LDLRAD3: variants seen among roughly 807,000 people sequenced by gnomAD.
The protein encoded by LDLRAD3 is low-density lipoprotein receptor class A domain-containing protein 3.
A neutral mutation model predicts 29.4 loss-of-function variants in LDLRAD3; 20 were observed. The observed-to-expected ratio is 0.68, with a 90% CI of 0.48 to 0.99. LDLRAD3 has a LOEUF of 0.99. LDLRAD3 is among the 50% of genes least tolerant of loss of function. The probability of loss-of-function intolerance (pLI) is 0.00; values close to 1 mark genes in which losing one functional copy is unlikely to be tolerated. For synonymous variants in LDLRAD3, 157 were observed against 192.7 expected (o/e 0.81, Z 1.53); for missense variants, 420 against 454.3 (o/e 0.92, Z 0.69).
At chr11:36,007,129 T>G (rs1200397838) in intron 1 of LDLRAD3, among the ~76,000 whole-genome samples, 1 of 152,228 alleles carries the variant, frequency 6.6e-6, no homozygotes, top group Non-Finnish European at 1.5e-5. Context: ...TTATTTATAC[T>G]TTAATCTTCA....
intron 2 of LDLRAD3, among the ~76,000 whole-genome samples, chr11:36,039,136 C>CT (rs1270242275): frequency 6.6e-6 from 1 of 151,912 alleles, no homozygotes; most frequent in African/African-American, 2.4e-5. Context: ...CGCCCGGCTA[C>CT]TTTTTTGTAT....
chr11:35,995,140 C>T (rs1228258429), intron 1 of LDLRAD3, among the ~76,000 whole-genome samples: 1 of 152,198 alleles, frequency 6.6e-6, no homozygotes, highest in African/African-American at 2.4e-5. Flanking sequence ...TTACTTGGCC[C>T]ATATCCATCA....
intron 2 of LDLRAD3, among the ~76,000 whole-genome samples, chr11:36,054,868 A>ATGAATGGATGGATGG (rs1291785646): frequency 6.0e-5 from 2 of 33,336 alleles, no homozygotes; most frequent in Admixed American, 3.5e-4. Flanking sequence ...TGGATGGATG[A>ATGAATGGATGGATGG]ATGGATGGAT....
intron 1 of LDLRAD3, chr11:35,972,677 A>G (rs145833932): frequency 3.3e-5 from 5 of 152,344 alleles, no homozygotes; most frequent in Admixed American, 2.0e-4. Flanking sequence ...CATGCATCCT[A>G]TTCTACAAAT....
At chr11:36,003,911 G>A (rs925463228) in intron 1 of LDLRAD3, among the ~76,000 whole-genome samples, 1 of 152,008 alleles carries the variant, frequency 6.6e-6, no homozygotes, top group Admixed American at 6.6e-5. Context: ...GAGAGTGAAG[G>A]GGGAAGTGCC....
intron 2 of LDLRAD3, among the ~76,000 whole-genome samples, chr11:36,063,946 G>A (rs1852747550): frequency 6.6e-6 from 1 of 152,130 alleles, no homozygotes; most frequent in Admixed American, 6.5e-5. Flanking sequence ...ATTCTGCCAA[G>A]AAGCTAGCTG....
intron 2 of LDLRAD3, among the ~76,000 whole-genome samples, chr11:36,047,731 C>A (rs1399013046): frequency 6.6e-6 from 1 of 152,194 alleles, no homozygotes; most frequent in Non-Finnish European, 1.5e-5. Flanking sequence ...GGGAGCTGTG[C>A]AACCTACGCA....
chr11:36,168,772 G>C (rs1171358171), intron 4 of LDLRAD3, among the ~76,000 whole-genome samples: 6 of 152,064 alleles, frequency 3.9e-5, no homozygotes, highest in Non-Finnish European at 7.4e-5. Context: ...AGATAAAATT[G>C]CCCTGGAAAA....
chr11:35,999,508 A>G (rs1851796205), intron 1 of LDLRAD3, among the ~76,000 whole-genome samples: 1 of 150,580 alleles, frequency 6.6e-6, no homozygotes, highest in African/African-American at 2.4e-5. Flanking sequence ...CTGCAGATTC[A>G]CTCCTTCTTG....
chr11:36,113,957 A>T (rs1050053466), intron 4 of LDLRAD3, among the ~76,000 whole-genome samples: 1 of 152,188 alleles, frequency 6.6e-6, no homozygotes, highest in Non-Finnish European at 1.5e-5. Context: ...TACAGGTGTG[A>T]GCCACCATTC....
At position 35,974,657 on chromosome 11, in the gene LDLRAD3, G is replaced by A. The variant is rs1393321846; in HGVS notation, c.46+30513G>A. 2.0e-5 allele frequency among the ~76,000 whole-genome samples: 3 copies of A among 152,236 alleles called. No homozygotes were observed. In the East Asian group the frequency reaches 5.8e-4, roughly 29 times the overall value. On this transcript the variant is annotated intron_variant, in intron 1 of 5. Coordinates refer to ENST00000315571, the MANE Select transcript of LDLRAD3 (RefSeq NM_174902.4). The stretch of plus-strand genomic sequence containing the variant: ...TTTTCTTGCTGGCTGTTGACTGGAG[G>A]CCAGTCTCAGTTTCTTGTCATGTGG...
chr11:35,978,338 C>T (rs969692820), intron 1 of LDLRAD3, among the ~76,000 whole-genome samples: 2 of 152,218 alleles, frequency 1.3e-5, no homozygotes, highest in African/African-American at 4.8e-5. Flanking sequence ...GTGTGCCTGC[C>T]TGCAGTGCTG....
chr11:36,201,324 T>A (rs1364723947), intron 4 of LDLRAD3, among the ~76,000 whole-genome samples: 2 of 152,214 alleles, frequency 1.3e-5, no homozygotes, highest in Non-Finnish European at 2.9e-5. Flanking sequence ...ACTGGCCTTT[T>A]ATTATAGCTT....
intron 4 of LDLRAD3, among the ~76,000 whole-genome samples, chr11:36,188,180 G>A (rs996978591): frequency 1.3e-5 from 2 of 152,014 alleles, no homozygotes; most frequent in Non-Finnish European, 2.9e-5. Flanking sequence ...AATTCCATTA[G>A]TATCACTTAC....
chr11:36,223,214 T>G (rs543139242), intron 4 of LDLRAD3, among the ~76,000 whole-genome samples: 1 of 152,268 alleles, frequency 6.6e-6, no homozygotes, highest in East Asian at 1.9e-4. Context: ...ATGTGATCGC[T>G]GCGTCTCGCC....
intron 2 of LDLRAD3, among the ~76,000 whole-genome samples, chr11:36,046,917 T>A (rs1027271705): frequency 6.6e-6 from 1 of 152,164 alleles, no homozygotes; most frequent in Non-Finnish European, 1.5e-5. Flanking sequence ...ATTTTAAAAG[T>A]CAGGTGGATG....
chr11:36,013,507 T>C (rs1056053973), intron 1 of LDLRAD3, among the ~76,000 whole-genome samples: 1 of 146,224 alleles, frequency 6.8e-6, no homozygotes, highest in Non-Finnish European at 1.5e-5. Flanking sequence ...CTTCCCTGTG[T>C]CCATGTGTTC....
intron 1 of LDLRAD3, among the ~76,000 whole-genome samples, chr11:35,950,866 G>A (rs564826602): frequency 1.3e-5 from 2 of 152,222 alleles, no homozygotes; most frequent in South Asian, 2.1e-4. Context: ...GGCGGATCAC[G>A]AAGTCAGAAG....
chr11:36,003,048 A>G (rs1167938367), intron 1 of LDLRAD3, among the ~76,000 whole-genome samples: 1 of 152,230 alleles, frequency 6.6e-6, no homozygotes, highest in Non-Finnish European at 1.5e-5. Context: ...AATTTCCTGA[A>G]GTCAGGATTG....
Sources: gnomAD v4.1 joint callset for allele counts (sites outside exome capture counted in the v4.1 genomes callset) on GRCh38, gnomAD v4.1.1 for gene constraint, MANE v1.5 for transcripts, NCBI Gene and HGNC (gene_info 2026-07-23, HGNC 2026-07-21) for gene names.